Variants in NDUFA5 observed in about 807,000 individuals in gnomAD.
NDUFA5 encodes NADH:ubiquinone oxidoreductase subunit A5, also known as NADH dehydrogenase [ubiquinone] 1 alpha subcomplex subunit 5.
A neutral mutation model predicts 19.8 loss-of-function variants in NDUFA5; 11 were observed. That is an observed-to-expected ratio of 0.56 (90% CI 0.35 to 0.92). The LOEUF (loss-of-function observed/expected upper bound fraction) is 0.92. NDUFA5 is among the 40% of genes least tolerant of loss of function. The pLI, the probability that NDUFA5 is intolerant of heterozygous loss-of-function variation, is 0.01. For synonymous variants in NDUFA5, 47 were observed against 46.8 expected (o/e 1.00, Z -0.01); for missense variants, 109 against 134.2 (o/e 0.81, Z 0.93).
chr7:123,545,853 C>T (rs1390384718), intron 3 of NDUFA5, 177 bp from the exon 4 acceptor site: 3 of 527,024 alleles, frequency 5.7e-6, no homozygotes, highest in Non-Finnish European at 9.9e-6. Context: ...CATTGCTTTT[C>T]TGTCTTAATA....
chr7:123,574,566 C>G, the NDUFA5 span, among the ~76,000 whole-genome samples: 1 of 152,142 alleles, frequency 6.6e-6, no homozygotes, highest in African/African-American at 2.4e-5. Context: ...TACATGTTAG[C>G]ACTCCAGTAC....
At chr7:123,590,354 T>G in the NDUFA5 span, among the ~76,000 whole-genome samples, 2 of 152,250 alleles carry the variant, frequency 1.3e-5, no homozygotes, top group Admixed American at 1.3e-4. Flanking sequence ...TTTTGGCTTT[T>G]GTTGCCATTG....
the NDUFA5 span, among the ~76,000 whole-genome samples, chr7:123,565,763 T>C: frequency 6.6e-6 from 1 of 152,176 alleles, no homozygotes; most frequent in African/African-American, 2.4e-5. Context: ...CGCCTTGTAA[T>C]CCCAGCACTT....
intron 2 of NDUFA5, chr7:123,556,536 A>G (rs1798547099): frequency 5.8e-6 from 1 of 172,776 alleles, no homozygotes; most frequent in Non-Finnish European, 1.2e-5. Flanking sequence ...GTAGGGGGAA[A>G]AAATCAGGAG....
chr7:123,553,619 A>G (rs545670068), intron 2 of NDUFA5, among the ~76,000 whole-genome samples: 1 of 152,330 alleles, frequency 6.6e-6, no homozygotes, highest in East Asian at 1.9e-4. Context: ...GGGGAAATAC[A>G]TAGAGCAAAG....
chr7:123,594,883 G>A, the NDUFA5 span, among the ~76,000 whole-genome samples: 3 of 152,208 alleles, frequency 2.0e-5, no homozygotes, highest in Non-Finnish European at 4.4e-5. Flanking sequence ...GATAGGCCCT[G>A]CCCCCAGAGG....
chr7:123,596,903 CTTTAT>C, the NDUFA5 span, among the ~76,000 whole-genome samples: 1 of 152,066 alleles, frequency 6.6e-6, no homozygotes, highest in Non-Finnish European at 1.5e-5. Context: ...CAATATAGAG[CTTTAT>C]TTTAAGTCCT....
upstream of NDUFA5, among the ~76,000 whole-genome samples, chr7:123,562,799 T>TTTC (rs1491238864): frequency 5.9e-5 from 2 of 33,720 alleles, no homozygotes; most frequent in African/African-American, 3.0e-4. Context: ...TCTTTCTTTC[T>TTTC]TTTTTTTTTT....
At chr7:123,543,871 G>T (rs1798028662) in intron 4 of NDUFA5, among the ~76,000 whole-genome samples, 1 of 152,048 alleles carries the variant, frequency 6.6e-6, no homozygotes, top group South Asian at 2.1e-4. Context: ...AGGTAAACAG[G>T]CCTTTGAATA....
intron 2 of NDUFA5, chr7:123,556,173 A>G (rs535960311): frequency 1.3e-5 from 2 of 152,238 alleles, no homozygotes; most frequent in Non-Finnish European, 2.9e-5. Flanking sequence ...AAAATAATTG[A>G]GCTGCCATTA....
In NDUFA5 at chr7:123,544,764, T is replaced by TAAAA. The variant is rs61556029; in HGVS notation, c.249+843_249+846dup. On this transcript the variant is annotated intron_variant, in intron 4 of 4. Coordinates refer to ENST00000355749, the MANE Select transcript of NDUFA5 (RefSeq NM_005000.5). ...AATTGGAGAAAAAAGATGCAAATCT[T>TAAAA]AAAAAAAAAAAAAAAAAAAAAAAAA... Among the ~76,000 whole-genome samples, 520 of 61,734 alleles carry TAAAA rather than the reference T, an allele frequency of 8.4e-3. 2 individuals are homozygous for TAAAA. The highest frequency in any genetic ancestry group is 0.011 in the Non-Finnish European group (366 of 32,958). The allele number at this position is 61,734 out of a possible 152,430, so 40.5% of individuals were successfully genotyped here. A position where few individuals can be genotyped will look rare whatever the true frequency, so the allele number is the denominator to read the frequency against.
rs938921172 is a variant in NDUFA5, at chr7:123,557,441, C to A, written c.29G>T (p.Gly10Val). ...ATTGCACACAGCCAATCCCACAAGG[C>A]CAGTGGTCTGTTCAAAAACAAAACA... is the stretch of plus-strand genomic sequence containing the variant. MAGVLKKTT[G>V]LVGLAVCNTP... The change falls in exon 2 of 5, where the codon GGC becomes GTC. Residue 10 changes from glycine (G) to valine (V), a missense_variant. Gly to Val is a moderately radical substitution (Grantham distance 109). Coordinates refer to ENST00000355749, the MANE Select transcript of NDUFA5 (RefSeq NM_005000.5). 1 of 1,612,476 alleles carries A rather than the reference C, an allele frequency of 6.2e-7. No homozygotes were observed. Among genetic ancestry groups the A allele is most frequent in the Non-Finnish European group, 8.5e-7 (1 of 1,179,226 alleles).
At chr7:123,564,892 G>GACACACACACACAC in the NDUFA5 span, among the ~76,000 whole-genome samples, 454 of 147,652 alleles carry the variant, frequency 3.1e-3, 3 homozygotes, top group African/African-American at 0.011. Context: ...GAAGCATCTG[G>GACACACACACACAC]ACACACACAC....
chr7:123,564,954 A>C, the NDUFA5 span, among the ~76,000 whole-genome samples: 6 of 150,062 alleles, frequency 4.0e-5, no homozygotes, highest in African/African-American at 1.2e-4. Context: ...AGTACATATA[A>C]ACATACACAC....
At position 123,557,766 on chromosome 7, in the gene NDUFA5, T is replaced by C. The variant is rs755615800; in HGVS notation, c.21+9A>G. On this transcript the variant is annotated intron_variant, in intron 1 of 4. Coordinates refer to ENST00000355749, the MANE Select transcript of NDUFA5 (RefSeq NM_005000.5). ...TCTAAATTCCAACAGTGACCTCCAT[T>C]CGTCTCACCTTCTTCAGCACACCCG... 1 of 1,613,474 alleles carries C rather than the reference T, an allele frequency of 6.2e-7. No homozygotes were observed. Among genetic ancestry groups the C allele is most frequent in the East Asian group, 2.2e-5 (1 of 44,832 alleles).
chr7:123,545,202 A>C (rs774309492), intron 4 of NDUFA5, among the ~76,000 whole-genome samples: 1 of 152,140 alleles, frequency 6.6e-6, no homozygotes, highest in Non-Finnish European at 1.5e-5. Flanking sequence ...CAAATGCTCA[A>C]GAACCAAAAA....
chr7:123,558,753 G>C (rs1351588318), upstream of NDUFA5, among the ~76,000 whole-genome samples: 1 of 152,126 alleles, frequency 6.6e-6, no homozygotes, highest in African/African-American at 2.4e-5. Context: ...GAAAGGTGTT[G>C]TTTGCCATTA....
the NDUFA5 span, among the ~76,000 whole-genome samples, chr7:123,574,824 T>G: frequency 6.6e-6 from 1 of 152,156 alleles, no homozygotes; most frequent in Non-Finnish European, 1.5e-5. Context: ...TTTAAGTAGT[T>G]CCATGATTGT....
chr7:123,548,337 A>G (rs1159724394), intron 3 of NDUFA5, among the ~76,000 whole-genome samples: 1 of 152,210 alleles, frequency 6.6e-6, no homozygotes, highest in Non-Finnish European at 1.5e-5. Flanking sequence ...CTAGAGTCTA[A>G]GGATACAAAG....
Sources: allele counts gnomAD v4.1 joint callset (sites outside exome capture counted in the v4.1 genomes callset), GRCh38; gene constraint gnomAD v4.1.1; transcripts MANE v1.5; gene names NCBI Gene and HGNC (gene_info 2026-07-23, HGNC 2026-07-21).